The following RNF17 variants were observed in gnomAD, a reference collection of about 807,000 sequenced individuals.
RNF17 encodes spermatogenesis associated 23.
RNF17 carries 31 observed loss-of-function variants against 200.5 expected under a neutral mutation model. The ratio of observed to expected loss-of-function variants is 0.15; its 90% CI spans 0.12 to 0.21. RNF17 has a LOEUF of 0.21. RNF17 is among the 10% of genes least tolerant of loss of function. The probability of loss-of-function intolerance (pLI) is 1.00; values close to 1 mark genes in which losing one functional copy is unlikely to be tolerated. For synonymous variants in RNF17, 606 were observed against 637.8 expected, an observed-to-expected ratio of 0.95 and a Z score of 0.75; for missense variants, 1,628 against 1,905.1, an observed-to-expected ratio of 0.85 and a Z score of 2.71.
At chr13:24,771,985 C>A (rs1880797964) in intron 2 of RNF17, among the ~76,000 whole-genome samples, 1 of 152,132 alleles carries the variant, frequency 6.6e-6, no homozygotes, top group Non-Finnish European at 1.5e-5. Flanking sequence ...GCCTGGGCAA[C>A]AAGAGCGAAA....
chr13:24,881,636 A>G (rs1042265188), downstream of RNF17, among the ~76,000 whole-genome samples: 1 of 151,046 alleles, frequency 6.6e-6, no homozygotes, highest in Non-Finnish European at 1.5e-5. Flanking sequence ...ATCTAGAGAT[A>G]TATCTAGATA....
intron 11 of RNF17, among the ~76,000 whole-genome samples, chr13:24,796,646 C>T (rs897026745): frequency 2.6e-5 from 4 of 152,320 alleles, no homozygotes; most frequent in East Asian, 3.9e-4. Flanking sequence ...GTCTCTTGCT[C>T]GCCATGTGTG....
At chr13:24,856,486 T>TA (rs925391100) in intron 25 of RNF17, among the ~76,000 whole-genome samples, 2 of 152,124 alleles carry the variant, frequency 1.3e-5, no homozygotes, top group African/African-American at 4.8e-5. Context: ...TATGATCTTG[T>TA]AAAAAAATGT....
At position 24,859,034 on chromosome 13, in the gene RNF17, A is replaced by G. The variant is rs368981938; in HGVS notation, c.3644A>G (p.Gln1215Arg). 4.4e-6 allele frequency: 7 copies of G among 1,598,502 alleles called. No individual in the cohort carries two copies. In the African/African-American group the frequency reaches 8.0e-5, roughly 18 times the overall value. ...FELIKMTNEIQSNLKCLGLLE... is the reference protein window; with the variant it reads ...FELIKMTNEIRSNLKCLGLLE... ...CTAATAAAAATGACAAATGAAATTC[A>G]AAGTAATTTAAAATGCCTTGGTCTT... Residue 1215 changes from glutamine to arginine, a missense_variant, in exon 26 of 36, where the codon CAA (glutamine) becomes CGA (arginine). By Grantham distance (43) the Gln-to-Arg change is conservative. Around this residue, in one of 5 missense-constraint regions of RNF17, gnomAD observed 609 missense variants for 681.9 expected, o/e 0.89. Transcript: ENST00000255324.
chr13:24,765,249 T>C (rs1032928642), intron 1 of RNF17, among the ~76,000 whole-genome samples: 2 of 152,072 alleles, frequency 1.3e-5, no homozygotes, highest in Non-Finnish European at 2.9e-5. Flanking sequence ...TCTCCTGACC[T>C]CGTGATCCGC....
chr13:24,776,781 T>G (rs1191139221), intron 3 of RNF17, among the ~76,000 whole-genome samples: 1 of 152,212 alleles, frequency 6.6e-6, no homozygotes, highest in African/African-American at 2.4e-5. Flanking sequence ...TACTCAGCTG[T>G]AGCCAGTTAT....
intron 15 of RNF17, among the ~76,000 whole-genome samples, chr13:24,805,795 G>A (rs1288612748): frequency 1.3e-5 from 2 of 151,938 alleles, no homozygotes; most frequent in Non-Finnish European, 2.9e-5. Flanking sequence ...TTCTACAGCA[G>A]CTGCAGTTTT....
chr13:24,757,321 CTTTT>C, the RNF17 span, among the ~76,000 whole-genome samples: 1 of 141,730 alleles, frequency 7.1e-6, no homozygotes, highest in African/African-American at 2.6e-5. Flanking sequence ...GGACAATATT[CTTTT>C]TTTTTTTTTT....
Position 24,851,549 on chromosome 13 carries a change from G to A in RNF17, c.3298G>A (p.Gly1100Ser). ...TGTTTCTAAATATTTGATTAAAAAG[G>A]GTTTGGCTTTGAGAGAAAGGAGGTA... is the stretch of plus-strand genomic sequence containing the variant. Reference protein sequence around the residue: ...VDVSKYLIKKGLALRERRINN... With the variant: ...VDVSKYLIKKSLALRERRINN... Residue 1100 changes from glycine (G) to serine (S), a missense_variant, in exon 24 of 36, where the codon GGT (glycine) becomes AGT (serine). By Grantham distance (56) the Gly-to-Ser change is moderately conservative. Coordinates refer to ENST00000255324, the MANE Select transcript of RNF17 (RefSeq NM_031277.3). The A allele has an allele frequency of 6.2e-7, 1 of 1,610,946 alleles. No individual in the cohort carries two copies. The highest frequency in any genetic ancestry group is 2.2e-5 in the East Asian group (1 of 44,842).
chr13:24,843,630 T>G, intron 19 of RNF17, 114 bp from the exon 20 acceptor site: 2 of 685,836 alleles, frequency 2.9e-6, no homozygotes, highest in East Asian at 5.5e-5. Context: ...CACAGTTAAA[T>G]GAATTTTGAC....
Position 24,879,307 on chromosome 13 carries a change from T to A in RNF17, c.*10+12T>A. ...ATAAGTGCCTAAGTGTAAGTTCTCA[T>A]TCTCTTCATAGCATAAGGCATGGGA... is the stretch of plus-strand genomic sequence containing the variant. On this transcript the variant is annotated intron_variant, in intron 35 of 35. Coordinates refer to ENST00000255324, the MANE Select transcript of RNF17 (RefSeq NM_031277.3). 1 of 1,494,514 alleles carries A rather than the reference T, an allele frequency of 6.7e-7. No homozygotes were observed. Among genetic ancestry groups the A allele is most frequent in the Non-Finnish European group, 9.3e-7 (1 of 1,071,444 alleles). 92.6% of individuals were successfully genotyped at this position (1,494,514 alleles called of 1,614,324 possible).
chr13:24,764,409 C>T (rs1156743684), intron 1 of RNF17, 76 bp downstream of exon 1: 3 of 1,475,752 alleles, frequency 2.0e-6, no homozygotes, highest in South Asian at 1.3e-5. Context: ...CTGGTGGGCG[C>T]GTGAGGCTTG....
intron 15 of RNF17, among the ~76,000 whole-genome samples, chr13:24,812,016 C>T (rs1446982735): frequency 5.9e-5 from 9 of 151,968 alleles, no homozygotes; most frequent in Non-Finnish European, 1.0e-4. Context: ...TCTCCAGCTG[C>T]GTGCTGGGAG....
intron 34 of RNF17, among the ~76,000 whole-genome samples, chr13:24,877,959 G>A (rs1288337532): frequency 6.6e-6 from 1 of 152,172 alleles, no homozygotes; most frequent in Non-Finnish European, 1.5e-5. Context: ...CAAAAAGTCT[G>A]TATTTCTGGC....
intron 3 of RNF17, 33 bp from the exon 4 acceptor site, chr13:24,778,261 CA>C (rs763825263): frequency 1.5e-5 from 21 of 1,432,850 alleles, no homozygotes; most frequent in Non-Finnish European, 1.8e-5. Context: ...GATCCTGTCA[CA>C]AAAAATAAAA....
intron 25 of RNF17, among the ~76,000 whole-genome samples, chr13:24,855,646 G>A (rs1892395394): frequency 6.6e-6 from 1 of 151,262 alleles, no homozygotes; most frequent in South Asian, 2.1e-4. Flanking sequence ...AAAAAAAATT[G>A]GTGGATAATT....
At position 24,866,131 on chromosome 13, in the gene RNF17, C is replaced by G. The variant is rs745414123; in HGVS notation, c.4102-13C>G. ...AGCTAAAGGTGATTTTACTCAATACCATATTATTTCAGAAACCAAGATCAG... is the reference window on the plus strand; with the variant it reads ...AGCTAAAGGTGATTTTACTCAATACGATATTATTTCAGAAACCAAGATCAG... On this transcript the variant is annotated splice_polypyrimidine_tract_variant and intron_variant, in intron 29 of 35. Transcript: ENST00000255324. The G allele has an allele frequency of 9.3e-6, 13 of 1,399,658 alleles. No homozygotes were observed. The South Asian group carries it at 1.6e-4, about 17-fold the overall frequency. 86.7% of individuals were successfully genotyped at this position (1,399,658 alleles called of 1,614,324 possible).
intron 32 of RNF17, 43 bp downstream of exon 32, chr13:24,870,782 C>T (rs762936117): frequency 1.3e-6 from 2 of 1,566,812 alleles, no homozygotes; most frequent in Admixed American, 3.5e-5. Flanking sequence ...CTTAATAAAA[C>T]TTGGATTTTG....
At chr13:24,851,734 T>C (rs1311810620) in intron 24 of RNF17, among the ~76,000 whole-genome samples, 163 bp downstream of exon 24, 1 of 152,212 alleles carries the variant, frequency 6.6e-6, no homozygotes, top group African/African-American at 2.4e-5. Context: ...TCCTTCAGAA[T>C]TGCTCATTTC....
Sources: allele counts gnomAD v4.1 joint callset (sites outside exome capture counted in the v4.1 genomes callset), GRCh38; gene constraint gnomAD v4.1.1; regional missense constraint gnomAD v4.1.1; transcripts MANE v1.5; gene names NCBI Gene and HGNC (gene_info 2026-07-23, HGNC 2026-07-21).